ZFHX3: variants seen among roughly 807,000 people sequenced by gnomAD.
The protein encoded by ZFHX3 is zinc finger homeobox protein 3.
In ZFHX3, 42 loss-of-function variants were observed where a neutral mutation model predicts 279.1. The observed-to-expected ratio is 0.15, with a 90% CI of 0.12 to 0.19. ZFHX3 has a LOEUF of 0.19. Among genes scored for constraint, ZFHX3 ranks in the 10% least tolerant of loss-of-function variants. The pLI is 1.00. For missense variants in ZFHX3, 4,981 were observed against 4,754.0 expected, an observed-to-expected ratio of 1.05 and a Z score of -1.40; for synonymous variants, 2,293 against 1,957.8, an observed-to-expected ratio of 1.17 and a Z score of -4.52.
At chr16:73,413,713 C>T (rs2017514763) in intron 3 of ZFHX3, among the ~76,000 whole-genome samples, 1 of 152,166 alleles carries the variant, frequency 6.6e-6, no homozygotes, top group Non-Finnish European at 1.5e-5. Context: ...TCCATCTATC[C>T]ATCCACTGAA....
At chr16:73,662,590 A>G (rs1444931771) in intron 2 of ZFHX3, among the ~76,000 whole-genome samples, 2 of 152,206 alleles carry the variant, frequency 1.3e-5, no homozygotes, top group Non-Finnish European at 2.9e-5. Flanking sequence ...AAACTCTAGC[A>G]TAAGTAATTC....
At chr16:72,857,629 G>C (rs2143873452) in intron 4 of ZFHX3, among the ~76,000 whole-genome samples, 1 of 152,338 alleles carries the variant, frequency 6.6e-6, no homozygotes, top group African/African-American at 2.4e-5. Context: ...AGGCTGTAGT[G>C]AACCGCGATC....
chr16:73,151,101 T>A (rs138038586), intron 5 of ZFHX3, among the ~76,000 whole-genome samples: 2 of 152,202 alleles, frequency 1.3e-5, no homozygotes, highest in East Asian at 1.9e-4. Context: ...ACTGAATGAT[T>A]CTATTTATAT....
intron 1 of ZFHX3, among the ~76,000 whole-genome samples, chr16:73,033,489 G>C (rs115327197): frequency 1.3e-5 from 2 of 152,072 alleles, no homozygotes; most frequent in Non-Finnish European, 2.9e-5. Flanking sequence ...CCTCTAAAAC[G>C]TGAACAGTTT....
rs187558543 is a variant in ZFHX3 at position 73,686,929 on chromosome 16, T to G, written c.-1607-6689A>C. Among the ~76,000 whole-genome samples, 74 of 149,116 alleles carry G rather than the reference T, an allele frequency of 5.0e-4. 1 individual carries two copies. The East Asian group carries it at 8.4e-3, about 17-fold the overall frequency. On this transcript the variant is annotated intron_variant, in intron 1 of 17. Coordinates refer to the ZFHX3 transcript ENST00000641206. ...ACCCTTGCCAGAATGGAACCCTTTT[T>G]TGTACACCTTCCAGAGAGACAGAGC...
chr16:73,851,458 G>A (rs1440326498), intron 1 of ZFHX3, among the ~76,000 whole-genome samples: 1 of 152,190 alleles, frequency 6.6e-6, no homozygotes, highest in Non-Finnish European at 1.5e-5. Context: ...AATAGTAGCT[G>A]AGGAACTTTC....
chr16:73,770,889 A>AT (rs2142292187), intron 1 of ZFHX3, among the ~76,000 whole-genome samples: 1 of 152,314 alleles, frequency 6.6e-6, no homozygotes, highest in Non-Finnish European at 1.5e-5. Context: ...AATAAATACC[A>AT]TTATGTGTTA....
At chr16:72,897,302 G>A (rs1477899879) in intron 3 of ZFHX3, among the ~76,000 whole-genome samples, 2 of 152,210 alleles carry the variant, frequency 1.3e-5, no homozygotes, top group Admixed American at 1.3e-4. Context: ...CTGGTGAGAG[G>A]GATGGGGAGA....
At chr16:73,478,434 CT>C (rs1003784521) in intron 2 of ZFHX3, among the ~76,000 whole-genome samples, 3 of 152,038 alleles carry the variant, frequency 2.0e-5, no homozygotes, top group Admixed American at 2.0e-4. Flanking sequence ...AATAACAGCA[CT>C]TTGTTAAAAA....
intron 5 of ZFHX3, among the ~76,000 whole-genome samples, chr16:73,255,637 G>T (rs2013642961): frequency 6.6e-6 from 1 of 152,212 alleles, no homozygotes; most frequent in Non-Finnish European, 1.5e-5. Flanking sequence ...CAATTAGACT[G>T]ATCCTGGCAG....
chr16:73,719,300 C>G (rs1364116234), intron 1 of ZFHX3, among the ~76,000 whole-genome samples: 1 of 152,116 alleles, frequency 6.6e-6, no homozygotes, highest in African/African-American at 2.4e-5. Context: ...GCAGTGAGAT[C>G]AGGCTGCTGT....
At chr16:73,205,339 C>A (rs1396446997) in intron 5 of ZFHX3, among the ~76,000 whole-genome samples, 1 of 152,144 alleles carries the variant, frequency 6.6e-6, no homozygotes, top group Non-Finnish European at 1.5e-5. Flanking sequence ...AAGCTACTTG[C>A]CTGGGGTCAT....
At chr16:72,987,914 G>A (rs1158904754) in intron 1 of ZFHX3, among the ~76,000 whole-genome samples, 7 of 152,156 alleles carry the variant, frequency 4.6e-5, no homozygotes. Context: ...CAAGCTGGAC[G>A]CCCTATTCAT....
At chr16:72,792,161 A>G (rs1007722186) in intron 9 of ZFHX3, among the ~76,000 whole-genome samples, 1 of 152,160 alleles carries the variant, frequency 6.6e-6, no homozygotes, top group Admixed American at 6.5e-5. Flanking sequence ...GAAACAAGAG[A>G]AGTATGTAGG....
intron 1 of ZFHX3, among the ~76,000 whole-genome samples, chr16:73,788,911 G>T (rs1282252007): frequency 2.6e-5 from 4 of 151,556 alleles, no homozygotes; most frequent in African/African-American, 9.7e-5. Flanking sequence ...CTCCCAAAGT[G>T]CTGGGATTAC....
At chr16:73,780,193 G>T (rs1412418865) in intron 1 of ZFHX3, among the ~76,000 whole-genome samples, 2 of 129,370 alleles carry the variant, frequency 1.5e-5, no homozygotes, top group Non-Finnish European at 3.1e-5. Context: ...CCAAGCTGGG[G>T]TGCAGGTGCA....
chr16:73,460,558 G>C (rs959973244), intron 2 of ZFHX3, among the ~76,000 whole-genome samples: 34 of 152,236 alleles, frequency 2.2e-4, no homozygotes, highest in African/African-American at 7.9e-4. Context: ...CTCCCAAATT[G>C]TTTTCTAAAG....
intron 2 of ZFHX3, among the ~76,000 whole-genome samples, chr16:73,456,943 C>T (rs112236121): frequency 0.064 from 9,805 of 152,286 alleles, 532 homozygotes; most frequent in Non-Finnish European, 0.09. Context: ...TGCCCCAAAA[C>T]TCCGCTTCAG....
intron 1 of ZFHX3, among the ~76,000 whole-genome samples, chr16:73,795,837 G>C (rs992501078): frequency 1.3e-5 from 2 of 152,352 alleles, no homozygotes; most frequent in Non-Finnish European, 2.9e-5. Context: ...GGACACAGGA[G>C]GATAGATTAG....
Sources: gnomAD v4.1 joint callset for allele counts (sites outside exome capture counted in the v4.1 genomes callset) on GRCh38, gnomAD v4.1.1 for gene constraint, MANE v1.5 for transcripts, NCBI Gene and HGNC (gene_info 2026-07-23, HGNC 2026-07-21) for gene names.